The following PTPN12 variants were observed in gnomAD, a reference collection of about 807,000 sequenced individuals.
PTPN12 encodes the protein tyrosine-protein phosphatase non-receptor type 12.
In PTPN12, 29 loss-of-function variants were observed where a neutral mutation model predicts 97.6. The observed-to-expected ratio is 0.30, with a 90% CI of 0.22 to 0.41. The LOEUF (loss-of-function observed/expected upper bound fraction) is 0.41, where lower values mean the gene tolerates loss of function less well. Among genes scored for constraint, PTPN12 ranks in the 10% least tolerant of loss-of-function variants. The pLI is 1.00. For missense variants in PTPN12, 819 were observed against 926.0 expected (o/e 0.88, Z 1.50); for synonymous variants, 327 against 300.4 (o/e 1.09, Z -0.91).
chr7:77,563,100 A>G (rs1454925787), intron 1 of PTPN12, among the ~76,000 whole-genome samples: 1 of 152,216 alleles, frequency 6.6e-6, no homozygotes, highest in African/African-American at 2.4e-5. Context: ...GACTATTACT[A>G]CATGCATTCA....
intron 5 of PTPN12, among the ~76,000 whole-genome samples, chr7:77,585,935 A>C (rs1787675849): frequency 6.6e-6 from 1 of 152,060 alleles, no homozygotes; most frequent in Non-Finnish European, 1.5e-5. Context: ...TATACCTATA[A>C]AACACTTCAT....
intron 1 of PTPN12, among the ~76,000 whole-genome samples, chr7:77,548,376 CT>C (rs1270120438): frequency 6.6e-6 from 1 of 152,176 alleles, no homozygotes; most frequent in Non-Finnish European, 1.5e-5. Context: ...GAAGGGAGTT[CT>C]AGGTCACATG....
At chr7:77,586,006 T>C (rs1344828173) in intron 5 of PTPN12, among the ~76,000 whole-genome samples, 1 of 152,164 alleles carries the variant, frequency 6.6e-6, no homozygotes, top group African/African-American at 2.4e-5. Flanking sequence ...CAGGCTGGAG[T>C]GCAGTGGTAC....
chr7:77,596,180 C>CT (rs1240357712), intron 6 of PTPN12, among the ~76,000 whole-genome samples: 1 of 151,756 alleles, frequency 6.6e-6, no homozygotes, highest in African/African-American at 2.4e-5. Context: ...CGTTTAGACA[C>CT]TTTTTTTTAG....
At chr7:77,591,651 T>C (rs369527164) in intron 5 of PTPN12, among the ~76,000 whole-genome samples, 2 of 152,206 alleles carry the variant, frequency 1.3e-5, no homozygotes, top group East Asian at 3.8e-4. Flanking sequence ...CTCTGTAAGA[T>C]AAGGATTATT....
chr7:77,554,180 C>A (rs1410990077), intron 1 of PTPN12, among the ~76,000 whole-genome samples: 1 of 152,176 alleles, frequency 6.6e-6, no homozygotes. Flanking sequence ...GTTGCCCAGG[C>A]TGTCAAACTC....
At chr7:77,550,170 CTCAG>C (rs1238052628) in intron 1 of PTPN12, among the ~76,000 whole-genome samples, 1 of 152,118 alleles carries the variant, frequency 6.6e-6, no homozygotes, top group African/African-American at 2.4e-5. Flanking sequence ...TCTCTACCTA[CTCAG>C]TCAGTTGGTT....
intron 16 of PTPN12, among the ~76,000 whole-genome samples, chr7:77,637,707 A>T (rs1171340846): frequency 1.3e-5 from 2 of 151,658 alleles, no homozygotes; most frequent in Non-Finnish European, 2.9e-5. Flanking sequence ...AAATAAAAAA[A>T]ATAGCTAGGC....
chr7:77,586,829 T>G (rs1584149462), intron 5 of PTPN12, among the ~76,000 whole-genome samples: 1 of 152,362 alleles, frequency 6.6e-6, no homozygotes, highest in South Asian at 2.1e-4. Context: ...ACCAAAAGTA[T>G]ATTCCATCTC....
At chr7:77,609,742 G>T (rs939169487) in intron 9 of PTPN12, among the ~76,000 whole-genome samples, 1 of 151,970 alleles carries the variant, frequency 6.6e-6, no homozygotes, top group African/African-American at 2.4e-5. Context: ...ATCGCCAGGC[G>T]TAGTGGCGGG....
intron 1 of PTPN12, among the ~76,000 whole-genome samples, chr7:77,547,354 CAG>C (rs1284468201): frequency 3.3e-5 from 5 of 152,098 alleles, no homozygotes; most frequent in African/African-American, 9.7e-5. Context: ...GGGTGGGCTT[CAG>C]GGGAATCTTT....
At chr7:77,614,354 A>T in intron 11 of PTPN12, among the ~76,000 whole-genome samples, 1 of 152,178 alleles carries the variant, frequency 6.6e-6, no homozygotes, top group Non-Finnish European at 1.5e-5. Flanking sequence ...CTATACTAGG[A>T]TTATAATTCT....
intron 1 of PTPN12, among the ~76,000 whole-genome samples, chr7:77,558,210 C>CAAAAAAAAAAAAAAAAAGAAAAA (rs1807812628): frequency 1.1e-5 from 1 of 93,612 alleles, no homozygotes; most frequent in Non-Finnish European, 2.2e-5. Flanking sequence ...GACTCCATCT[C>CAAAAAAAAAAAAAAAAAGAAAAA]AAAAAAAAAA....
chr7:77,547,285 A>C (rs1364324558), intron 1 of PTPN12, among the ~76,000 whole-genome samples: 1 of 152,206 alleles, frequency 6.6e-6, no homozygotes, highest in East Asian at 1.9e-4. Context: ...TACTCTGTTC[A>C]GGAAGTTTAC....
At chr7:77,609,771 C>T (rs1046593810) in intron 9 of PTPN12, among the ~76,000 whole-genome samples, 31 of 151,800 alleles carry the variant, frequency 2.0e-4, no homozygotes, top group African/African-American at 7.2e-4. Context: ...GTCCCAGCTA[C>T]TCCGGAGGCT....
rs1277282773 is a variant in PTPN12, at chr7:77,564,752, T to G, written c.100-6326T>G. On this transcript the variant is annotated intron_variant, in intron 1 of 17. Transcript: ENST00000248594. ...TGTTGTTTTTTGTTGTCGTGTTTTT[T>G]TTTTTTTTTTTTTTTTTTTTTTTTG... Among the ~76,000 whole-genome samples, 7 of 78,362 alleles carry G rather than the reference T, an allele frequency of 8.9e-5. 1 individual carries two copies. Among genetic ancestry groups the G allele is most frequent in the Non-Finnish European group, 1.2e-4 (5 of 41,462 alleles). 51.4% of individuals were successfully genotyped at this position (78,362 alleles called of 152,430 possible).
chr7:77,537,822 C>T lies in PTPN12; in HGVS notation c.99+177C>T, dbSNP rs565650478. ...CCAGCGGGAGGCGAGAGCGCCTCCC[C>T]CCGTGGCCTCCTTTCTTCTCCCATG... is the stretch of plus-strand genomic sequence containing the variant. On this transcript the variant is annotated intron_variant, in intron 1 of 17. Coordinates refer to ENST00000248594, the MANE Select transcript of PTPN12 (RefSeq NM_002835.4). Among the ~76,000 whole-genome samples the T allele has an allele frequency of 7.0e-4, 107 of 152,096 alleles. 2 individuals are homozygous for T. The highest frequency in any genetic ancestry group is 3.4e-3 in the Middle Eastern group (1 of 294).
chr7:77,607,878 C>G (rs1788428270), intron 9 of PTPN12, among the ~76,000 whole-genome samples: 4 of 152,060 alleles, frequency 2.6e-5, no homozygotes, highest in Admixed American at 2.0e-4. Context: ...TTCAGCCTCC[C>G]TAGCAGCTGG....
intron 9 of PTPN12, among the ~76,000 whole-genome samples, chr7:77,608,041 T>C (rs935785119): frequency 6.6e-6 from 1 of 152,216 alleles, no homozygotes; most frequent in Non-Finnish European, 1.5e-5. Flanking sequence ...AGGCGTGAGC[T>C]ACGGTGCCTG....
Sources: gnomAD v4.1 joint callset for allele counts (sites outside exome capture counted in the v4.1 genomes callset) on GRCh38, gnomAD v4.1.1 for gene constraint, MANE v1.5 for transcripts, NCBI Gene and HGNC (gene_info 2026-07-23, HGNC 2026-07-21) for gene names.